ISL1: variants seen among roughly 807,000 people sequenced by gnomAD.
ISL1 encodes the protein ISL LIM homeobox 1.
In ISL1, 4 loss-of-function variants were observed where a neutral mutation model predicts 35.3. The ratio of observed to expected loss-of-function variants is 0.11; its 90% CI spans 0.06 to 0.26. The LOEUF (loss-of-function observed/expected upper bound fraction) is 0.26. Ranked by LOEUF, ISL1 falls within the 10% of genes least tolerant of loss-of-function variation. ISL1 has a pLI of 1.00. For synonymous variants in ISL1, 186 were observed against 172.3 expected (o/e 1.08, Z -0.62); for missense variants, 340 against 472.8 (o/e 0.72, Z 2.60).
At chr5:51,392,121 T>C (rs1403348960) in intron 5 of ISL1, among the ~76,000 whole-genome samples, 1 of 152,184 alleles carries the variant, frequency 6.6e-6, no homozygotes, top group Non-Finnish European at 1.5e-5. Context: ...GTACCATGTA[T>C]AGCAAAAGGG....
chr5:51,391,502 G>T, intron 5 of ISL1, 61 bp downstream of exon 5: 2 of 1,584,260 alleles, frequency 1.3e-6, no homozygotes, highest in Non-Finnish European at 8.7e-7. Flanking sequence ...TGGTTTAACT[G>T]TCACACATTG....
intron 4 of ISL1, among the ~76,000 whole-genome samples, chr5:51,390,822 A>T (rs1360392198): frequency 6.6e-6 from 1 of 150,648 alleles, no homozygotes; most frequent in Non-Finnish European, 1.5e-5. Context: ...CTTTGGGGGG[A>T]TGGAGTGGGG....
intron 5 of ISL1, among the ~76,000 whole-genome samples, chr5:51,391,827 T>C (rs1747523338): frequency 6.6e-6 from 1 of 152,110 alleles, no homozygotes; most frequent in South Asian, 2.1e-4. Context: ...AATCAGCAAT[T>C]AGTAAGTTTA....
chr5:51,393,224 T>A (rs1747558840), intron 5 of ISL1, among the ~76,000 whole-genome samples: 1 of 152,324 alleles, frequency 6.6e-6, no homozygotes, highest in South Asian at 2.1e-4. Flanking sequence ...GGAAACACAT[T>A]TGTTCTTAAA....
chr5:51,389,522 C>T lies in ISL1; in HGVS notation c.479-124C>T, dbSNP rs987309059. The T allele has an allele frequency of 7.5e-6, 6 of 798,032 alleles. No homozygotes were observed. In the East Asian group the frequency reaches 1.1e-4, roughly 14 times the overall value. The allele number at this position is 798,032 out of a possible 1,614,324, so 49.4% of individuals were successfully genotyped here. ...ACCCTAGCCATTGTCCTGAGTATCTCGGGCGGGCGAGCAAGTAAGCGGGCG... is the reference window on the plus strand; with the variant it reads ...ACCCTAGCCATTGTCCTGAGTATCTTGGGCGGGCGAGCAAGTAAGCGGGCG... On this transcript the variant is annotated intron_variant, in intron 3 of 5. Transcript: ENST00000230658. This position sits in a 1 kb window ranked among gnomAD's most constrained non-coding sequence, Gnocchi z 5.0.
chr5:51,389,982 G>A lies in ISL1; in HGVS notation c.765+50G>A. 1 of 1,593,690 alleles carries A rather than the reference G, an allele frequency of 6.3e-7. No homozygotes were observed. The highest frequency in any genetic ancestry group is 8.6e-7 in the Non-Finnish European group (1 of 1,165,128). On this transcript the variant is annotated intron_variant, in intron 4 of 5. Transcript: ENST00000230658. This position sits in a 1 kb window ranked among gnomAD's most constrained non-coding sequence, Gnocchi z 5.0. ...GGAATGCGAGGGGGAAGGAGACGCAGCGTGCGAGGTGCGTTCCTGGTACGC... is the reference window on the plus strand; with the variant it reads ...GGAATGCGAGGGGGAAGGAGACGCAACGTGCGAGGTGCGTTCCTGGTACGC...
rs1175501548 is a variant in ISL1 at position 51,389,043 on chromosome 5, G to C, written c.479-603G>C. The stretch of plus-strand genomic sequence containing the variant: ...GCGAATCTCTTCAGCCCCTTCACAT[G>C]ACTGTCCTCTCGGACTGAAGTTCAA... On this transcript the variant is annotated intron_variant, in intron 3 of 5. Coordinates refer to ENST00000230658, the MANE Select transcript of ISL1 (RefSeq NM_002202.3). The surrounding 1 kb of genome is among the most constrained non-coding windows in gnomAD (Gnocchi z 5.0). Among the ~76,000 whole-genome samples, 1 of 152,160 alleles carries C rather than the reference G, an allele frequency of 6.6e-6. No individual in the cohort carries two copies. Among genetic ancestry groups the C allele is most frequent in the Non-Finnish European group, 1.5e-5 (1 of 68,034 alleles).
chr5:51,388,506 G>C (rs1032324304), intron 3 of ISL1, among the ~76,000 whole-genome samples: 1 of 152,170 alleles, frequency 6.6e-6, no homozygotes, highest in African/African-American at 2.4e-5. Context: ...AGAAGGTGCA[G>C]GATTTGTATC....
intron 1 of ISL1, 86 bp from the exon 2 acceptor site, chr5:51,384,455 C>A: frequency 2.5e-6 from 3 of 1,191,178 alleles, no homozygotes; most frequent in Non-Finnish European, 3.7e-6. Flanking sequence ...TCCCAGAGTA[C>A]GCCCTATAAG....
At position 51,387,441 on chromosome 5, in the gene ISL1, A is replaced by G. The variant is rs377647302; in HGVS notation, c.219-49A>G. 1 of 1,605,716 alleles carries G rather than the reference A, an allele frequency of 6.2e-7. No homozygotes were observed. The highest frequency in any genetic ancestry group is 8.5e-7 in the Non-Finnish European group (1 of 1,175,632). On this transcript the variant is annotated intron_variant, in intron 2 of 5. Coordinates refer to ENST00000230658, the MANE Select transcript of ISL1 (RefSeq NM_002202.3). The surrounding 1 kb of genome is among the most constrained non-coding windows in gnomAD (Gnocchi z 4.3). ...GCCTGAAGTGACCCCCTCTTCCTGTACTTCTCTCCCCGCTCTGGGCCGCCT... is the reference window on the plus strand; with the variant it reads ...GCCTGAAGTGACCCCCTCTTCCTGTGCTTCTCTCCCCGCTCTGGGCCGCCT...
At chr5:51,386,328 T>G (rs1309684235) in intron 2 of ISL1, 2 of 293,496 alleles carry the variant, frequency 6.8e-6, no homozygotes, top group Non-Finnish European at 1.3e-5. Context: ...TACACACATG[T>G]GTAGAAGGAA....
At chr5:51,384,204 C>G (rs1404599643) in intron 1 of ISL1, among the ~76,000 whole-genome samples, 1 of 140,550 alleles carries the variant, frequency 7.1e-6, no homozygotes, top group Non-Finnish European at 1.5e-5. Flanking sequence ...TTTGACTTGA[C>G]TTATCCATAA....
chr5:51,386,072 T>C (rs1210549832), intron 2 of ISL1: 3 of 152,240 alleles, frequency 2.0e-5, no homozygotes, highest in Non-Finnish European at 4.4e-5. Flanking sequence ...TCTAAATTGT[T>C]TGGTCACCGC....
Position 51,389,542 on chromosome 5 carries a change from C to A in ISL1, c.479-104C>A, listed in dbSNP as rs1349936765. On this transcript the variant is annotated intron_variant, in intron 3 of 5. Transcript: ENST00000230658. The surrounding 1 kb of genome is among the most constrained non-coding windows in gnomAD (Gnocchi z 5.0). Reference sequence around the variant, plus strand: ...TATCTCGGGCGGGCGAGCAAGTAAGCGGGCGGGCGGGCGGGCAAGCGAGCG... The same window carrying A: ...TATCTCGGGCGGGCGAGCAAGTAAGAGGGCGGGCGGGCGGGCAAGCGAGCG... The A allele has an allele frequency of 2.3e-6, 2 of 851,244 alleles. No homozygotes were observed. The highest frequency in any genetic ancestry group is 3.0e-6 in the Non-Finnish European group (2 of 660,508). 52.7% of individuals were successfully genotyped at this position (851,244 alleles called of 1,614,324 possible). A position where few individuals can be genotyped will look rare whatever the true frequency, so the allele number is the denominator to read the frequency against.
At chr5:51,384,255 G>GAA (rs1043734251) in intron 1 of ISL1, among the ~76,000 whole-genome samples, 1 of 147,866 alleles carries the variant, frequency 6.8e-6, no homozygotes, top group African/African-American at 2.5e-5. Context: ...GGGGGGGGGA[G>GAA]AAATACAAAA....
rs552129639 is a variant in ISL1 at position 51,393,498 on chromosome 5, A to G, written c.938A>G (p.Asn313Ser). Reference protein sequence around the residue: ...IDQPAFQQLVNFSEGGPGSNS... With the variant: ...IDQPAFQQLVSFSEGGPGSNS... Reference sequence around the variant, plus strand: ...ATTTCTCAACCTTCTATGCAGGTCAATTTTTCAGAAGGAGGACCGGGCTCT... The same window carrying G: ...ATTTCTCAACCTTCTATGCAGGTCAGTTTTTCAGAAGGAGGACCGGGCTCT... The change falls in exon 6 of 6, where the codon AAT (asparagine) becomes AGT (serine). Residue 313 changes from asparagine to serine, a missense_variant. This residue lies in a region of ISL1 where 104 missense variants were observed against 97.3 expected (regional missense o/e 1.07). Transcript: ENST00000230658. The G allele has an allele frequency of 1.4e-5, 23 of 1,606,088 alleles. No homozygotes were observed. Among genetic ancestry groups the G allele is most frequent in the Admixed American group, 3.3e-5 (2 of 60,000 alleles).
chr5:51,384,249 G>C (rs1438392805), intron 1 of ISL1, among the ~76,000 whole-genome samples: 2 of 146,320 alleles, frequency 1.4e-5, no homozygotes, highest in Non-Finnish European at 3.0e-5. Flanking sequence ...AGGAAGGGGG[G>C]GGGGAGAAAT....
chr5:51,383,818 GA>G (rs1164720979), intron 1 of ISL1, 119 bp downstream of exon 1: 2 of 905,730 alleles, frequency 2.2e-6, no homozygotes, highest in Non-Finnish European at 3.7e-6. Flanking sequence ...TGGAGAAAGA[GA>G]AAAGGTGGCT....
intron 2 of ISL1, chr5:51,386,086 A>G (rs1747334822): frequency 6.6e-6 from 1 of 152,504 alleles, no homozygotes. Context: ...TCACCGCCAA[A>G]GTCAAGTCTT....
Sources: gnomAD v4.1 joint callset for allele counts (sites outside exome capture counted in the v4.1 genomes callset) on GRCh38, gnomAD v4.1.1 for gene constraint, gnomAD v4.1.1 regional missense constraint, Gnocchi (gnomAD v3.1) non-coding constraint, MANE v1.5 for transcripts, NCBI Gene and HGNC (gene_info 2026-07-23, HGNC 2026-07-21) for gene names.